The following INCA1 variants were observed in gnomAD, a reference collection of about 807,000 sequenced individuals.
The protein encoded by INCA1 is inhibitor of CDK, cyclin A1 interacting protein 1.
A neutral mutation model predicts 25.7 loss-of-function variants in INCA1; 28 were observed. The observed-to-expected ratio is 1.09, with a 90% CI of 0.81 to 1.49. INCA1 has a LOEUF of 1.49. INCA1 is among the 40% of genes most tolerant of loss of function. INCA1 has a pLI of 0.00. For synonymous variants in INCA1, 111 were observed against 103.6 expected, an observed-to-expected ratio of 1.07 and a Z score of -0.43; for missense variants, 309 against 290.9, an observed-to-expected ratio of 1.06 and a Z score of -0.45.
At chr17:4,992,491 C>G (rs1257372327) in intron 2 of INCA1, among the ~76,000 whole-genome samples, 1 of 152,092 alleles carries the variant, frequency 6.6e-6, no homozygotes, top group African/African-American at 2.4e-5. Flanking sequence ...ACTATGTTGC[C>G]CAGGTTGGTC....
exon 3 of INCA1, chr17:4,990,188 C>G: frequency 6.2e-7 from 1 of 1,614,212 alleles, no homozygotes; most frequent in Non-Finnish European, 8.5e-7. Flanking sequence ...GAAGACATCT[C>G]CATAACGCTG....
exon 7 of INCA1, chr17:4,988,391 TC>T: frequency 6.3e-7 from 1 of 1,583,804 alleles, no homozygotes; most frequent in Non-Finnish European, 8.6e-7. Flanking sequence ...CCTCTCGGCA[TC>T]GGTGGTTTCT....
upstream of INCA1, among the ~76,000 whole-genome samples, chr17:4,997,334 A>G (rs1004379): frequency 0.79 from 119,677 of 152,082 alleles, 47,793 homozygotes; most frequent in African/African-American, 0.86. Context: ...GGCCTGAGGG[A>G]CGCCCCGGGT....
At chr17:4,993,077 A>G (rs531544619) in intron 2 of INCA1, among the ~76,000 whole-genome samples, 43 of 148,360 alleles carry the variant, frequency 2.9e-4, no homozygotes, top group African/African-American at 1.1e-3. Flanking sequence ...ACGAGGTTTC[A>G]CCATGTTGGC....
chr17:4,996,666 C>CAAAAAAAAAAAAAA (rs35732129), intron 1 of INCA1, among the ~76,000 whole-genome samples: 1 of 51,774 alleles, frequency 1.9e-5, no homozygotes, highest in Non-Finnish European at 3.0e-5. Context: ...GACTCCGTCT[C>CAAAAAAAAAAAAAA]AAAAAAAAAA....
At chr17:4,997,019 G>A (rs536258955) in exon 1 of INCA1, 126 of 153,052 alleles carry the variant, frequency 8.2e-4, no homozygotes, top group Non-Finnish European at 1.4e-3. Context: ...CCAAGGGCAG[G>A]ATGGAGCTGA....
At chr17:4,991,441 C>T (rs1567710221) in intron 2 of INCA1, among the ~76,000 whole-genome samples, 1 of 152,200 alleles carries the variant, frequency 6.6e-6, no homozygotes. Flanking sequence ...CTGTTTACTT[C>T]ATTTGTCTCC....
intron 1 of INCA1, among the ~76,000 whole-genome samples, chr17:4,995,590 T>G (rs1018830515): frequency 6.6e-6 from 1 of 151,008 alleles, no homozygotes; most frequent in Non-Finnish European, 1.5e-5. Flanking sequence ...AGCTCAGGAG[T>G]TGGAGACCAG....
chr17:4,991,228 G>A (rs938615861), intron 2 of INCA1, among the ~76,000 whole-genome samples: 6 of 152,080 alleles, frequency 3.9e-5, no homozygotes, highest in Admixed American at 6.5e-5. Context: ...TAATCTCAAC[G>A]TTTTAAGAAA....
At chr17:4,990,710 C>T (rs928134813) in intron 2 of INCA1, among the ~76,000 whole-genome samples, 12 of 151,308 alleles carry the variant, frequency 7.9e-5, no homozygotes, top group South Asian at 2.1e-4. Flanking sequence ...GTTGAAACCC[C>T]GTCTCTACTA....
chr17:4,989,064 C>G (rs1973606556), intron 5 of INCA1, 120 bp from the exon 6 acceptor site: 1 of 1,121,234 alleles, frequency 8.9e-7, no homozygotes, highest in Non-Finnish European at 1.2e-6. Flanking sequence ...GTCATTTGAC[C>G]TTTAACCCTC....
chr17:4,996,874 T>C (rs1754342799), intron 1 of INCA1: 2 of 152,572 alleles, frequency 1.3e-5, no homozygotes. Flanking sequence ...TAGTTGGAGT[T>C]GGGCTGAAAG....
At chr17:4,994,304 T>C in intron 2 of INCA1, 90 bp downstream of exon 2, 4 of 1,225,202 alleles carry the variant, frequency 3.3e-6, no homozygotes, top group Non-Finnish European at 3.6e-6. Flanking sequence ...TTTCCCGTTC[T>C]TTATTTCCTA....
At chr17:4,994,420 A>G in exon 2 of INCA1, 1 of 1,613,800 alleles carries the variant, frequency 6.2e-7, no homozygotes, top group Non-Finnish European at 8.5e-7. Flanking sequence ...GGTTGACTCC[A>G]TCATCCTGCA....
At chr17:4,989,377 T>C in intron 5 of INCA1, 51 bp downstream of exon 5, 1 of 1,545,892 alleles carries the variant, frequency 6.5e-7, no homozygotes, top group Non-Finnish European at 8.8e-7. Context: ...CAAACTGTTC[T>C]GCCCCCAAAT....
rs1243212204 is a variant in INCA1, at chr17:4,990,329, G to A, written c.45-64C>T. The stretch of plus-strand genomic sequence containing the variant: ...CCTTACAGCAGTCTACTCATCCCAA[G>A]GATTCAGGGGCCATCTTTCCATGGG... On this transcript the variant is annotated intron_variant, in intron 2 of 6. Transcript: ENST00000576820. 9.8e-6 allele frequency: 15 copies of A among 1,527,952 alleles called. No homozygotes were observed. In the East Asian group the frequency reaches 3.2e-4, roughly 33 times the overall value. 94.6% of individuals were successfully genotyped at this position (1,527,952 alleles called of 1,614,324 possible).
At chr17:4,994,705 G>T (rs111676931) in intron 1 of INCA1, among the ~76,000 whole-genome samples, 2 of 147,776 alleles carry the variant, frequency 1.4e-5, no homozygotes, top group South Asian at 2.1e-4. Flanking sequence ...CAGAAGAATC[G>T]CTTGAACCTG....
At chr17:4,988,393 G>A (rs768644191) in exon 7 of INCA1, 1 of 1,584,052 alleles carries the variant, frequency 6.3e-7, no homozygotes, top group South Asian at 1.1e-5. Context: ...TCTCGGCATC[G>A]GTGGTTTCTC....
At chr17:4,989,654 G>C (rs774271362) in intron 4 of INCA1, 30 bp from the exon 5 acceptor site, 1 of 1,609,138 alleles carries the variant, frequency 6.2e-7, no homozygotes, top group Non-Finnish European at 8.5e-7. Flanking sequence ...AAAAGAGCTA[G>C]AAAGAAGAAC....
Sources: allele counts gnomAD v4.1 joint callset (sites outside exome capture counted in the v4.1 genomes callset), GRCh38; gene constraint gnomAD v4.1.1; transcripts MANE v1.5; gene names NCBI Gene and HGNC (gene_info 2026-07-23, HGNC 2026-07-21).